The following ITGB6 variants were observed in gnomAD, a reference collection of about 807,000 sequenced individuals.
ITGB6 encodes integrin beta-6.
ITGB6 carries 80 observed loss-of-function variants against 84.5 expected under a neutral mutation model. The ratio of observed to expected loss-of-function variants is 0.95; its 90% CI spans 0.79 to 1.14. ITGB6 has a LOEUF of 1.14. Ranked by LOEUF, ITGB6 falls within the 50% of genes most tolerant of loss-of-function variation. The pLI, the probability that ITGB6 is intolerant of heterozygous loss-of-function variation, is 0.00. For missense variants in ITGB6, 1,006 were observed against 968.0 expected, an observed-to-expected ratio of 1.04 and a Z score of -0.52; for synonymous variants, 383 against 354.9, an observed-to-expected ratio of 1.08 and a Z score of -0.89.
At chr2:160,193,644 G>A (rs1686225243) in intron 4 of ITGB6, among the ~76,000 whole-genome samples, 1 of 152,224 alleles carries the variant, frequency 6.6e-6, no homozygotes, top group Admixed American at 6.5e-5. Flanking sequence ...GAGGGAGTGG[G>A]CAGACAGTGC....
chr2:160,195,565 C>G lies in ITGB6; in HGVS notation c.397G>C (p.Val133Leu). ...VHVRQTEDYPVDLYYLMDLSA... is the reference protein window; with the variant it reads ...VHVRQTEDYPLDLYYLMDLSA... ...AGGTCCATGAGGTAATACAAATCCACCGGGTAGTCCTCAGTCTGGCGGACA... is the reference window on the plus strand; with the variant it reads ...AGGTCCATGAGGTAATACAAATCCAGCGGGTAGTCCTCAGTCTGGCGGACA... Residue 133 changes from valine (V) to leucine (L), a missense_variant, in exon 4 of 15, where the codon GTG becomes CTG. Coordinates refer to ENST00000283249, the MANE Select transcript of ITGB6 (RefSeq NM_000888.5). 4 of 1,614,138 alleles carry G rather than the reference C, an allele frequency of 2.5e-6. No individual in the cohort carries two copies. The highest frequency in any genetic ancestry group is 3.4e-6 in the Non-Finnish European group (4 of 1,180,002).
In ITGB6 at chr2:160,126,650, G is replaced by T. The variant is rs752507327; in HGVS notation, c.1661-49C>A. The T allele has an allele frequency of 4.5e-6, 7 of 1,543,824 alleles. No individual in the cohort carries two copies. In the South Asian group the frequency reaches 7.9e-5, roughly 18 times the overall value. ...TTCTCACAGCCCCAAAACACTTGCA[G>T]ATTTGAGGGGGTGAGGGGCATCTTT... On this transcript the variant is annotated intron_variant, in intron 10 of 14. Coordinates refer to ENST00000283249, the MANE Select transcript of ITGB6 (RefSeq NM_000888.5).
chr2:160,124,540 C>A (rs1352409144), intron 11 of ITGB6, among the ~76,000 whole-genome samples: 1 of 152,190 alleles, frequency 6.6e-6, no homozygotes, highest in Non-Finnish European at 1.5e-5. Context: ...TTAAGGTACT[C>A]TAAAGACATC....
intron 13 of ITGB6, among the ~76,000 whole-genome samples, chr2:160,110,202 T>C (rs998897883): frequency 6.6e-6 from 1 of 152,168 alleles, no homozygotes; most frequent in Non-Finnish European, 1.5e-5. Flanking sequence ...TCCAACTAGC[T>C]CTGGCACGTA....
chr2:160,152,670 A>AGAT (rs1684474753), intron 7 of ITGB6, among the ~76,000 whole-genome samples: 1 of 152,218 alleles, frequency 6.6e-6, no homozygotes, highest in African/African-American at 2.4e-5. Context: ...CCCTGTTTGC[A>AGAT]GATGACATGA....
intron 5 of ITGB6, among the ~76,000 whole-genome samples, 153 bp from the exon 6 acceptor site, chr2:160,172,883 T>C (rs1173397235): frequency 6.6e-6 from 1 of 152,236 alleles, no homozygotes. Context: ...AATATTAATG[T>C]TTTTAATAAA....
chr2:160,139,045 G>A (rs1683886760), intron 8 of ITGB6, among the ~76,000 whole-genome samples: 1 of 152,074 alleles, frequency 6.6e-6, no homozygotes. Flanking sequence ...ATCAATATTG[G>A]AATGTATTTA....
chr2:160,130,181 C>T (rs2105806658), intron 10 of ITGB6, among the ~76,000 whole-genome samples: 1 of 152,008 alleles, frequency 6.6e-6, no homozygotes, highest in South Asian at 2.1e-4. Flanking sequence ...CCACGGTGAG[C>T]ATTTGTGTAT....
chr2:160,134,530 G>A (rs113964007), intron 10 of ITGB6, among the ~76,000 whole-genome samples: 29,000 of 152,010 alleles, frequency 0.19, 3,044 homozygotes, highest in Admixed American at 0.32. Flanking sequence ...ATAGAAAAAG[G>A]GGGAATCCTC....
chr2:160,119,874 G>C (rs1203804405), intron 12 of ITGB6, among the ~76,000 whole-genome samples: 12 of 152,096 alleles, frequency 7.9e-5, no homozygotes, highest in East Asian at 5.8e-4. Flanking sequence ...ACAGACACTT[G>C]TCAAAAGAAG....
At chr2:160,107,334 C>T (rs1436398065) in intron 14 of ITGB6, among the ~76,000 whole-genome samples, 3 of 152,024 alleles carry the variant, frequency 2.0e-5, no homozygotes, top group South Asian at 4.2e-4. Flanking sequence ...AGATATAGCA[C>T]CCGTGCTTTA....
intron 4 of ITGB6, among the ~76,000 whole-genome samples, chr2:160,183,700 C>A (rs1256628131): frequency 1.3e-5 from 2 of 152,166 alleles, no homozygotes; most frequent in African/African-American, 4.8e-5. Context: ...CTTCTCAGCA[C>A]CAAGTCGCAC....
chr2:160,134,486 G>A (rs571278784), intron 10 of ITGB6, among the ~76,000 whole-genome samples: 279 of 152,274 alleles, frequency 1.8e-3, no homozygotes, highest in African/African-American at 6.0e-3. Flanking sequence ...ACAAGGAGGA[G>A]CTGGTACCAT....
rs762861083 is a variant in ITGB6 at position 160,137,648 on chromosome 2, G to T, written c.1446C>A (p.His482Gln). 6 of 1,614,078 alleles carry T rather than the reference G, an allele frequency of 3.7e-6. No individual in the cohort carries two copies. The African/African-American group carries it at 5.3e-5, about 14-fold the overall frequency. Residue 482 changes from histidine to glutamine, a missense_variant, in exon 10 of 15, where the codon CAC (histidine) becomes CAA (glutamine). Physicochemically the swap from His to Gln is conservative, Grantham distance 24. Coordinates refer to ENST00000283249, the MANE Select transcript of ITGB6 (RefSeq NM_000888.5). ...GSFQCGVCAC[H>Q]PGHMGPRCEC... ...CACAGCGAGGCCCCATGTGGCCAGG[G>T]TGGCAGGCACACACCCCACACTGGA...
intron 4 of ITGB6, among the ~76,000 whole-genome samples, chr2:160,180,440 CT>C (rs1349488426): frequency 6.6e-6 from 1 of 152,062 alleles, no homozygotes; most frequent in Admixed American, 6.5e-5. Context: ...AAAAGGGTGG[CT>C]TTTATTTTTA....
At chr2:160,185,277 C>T (rs1313501419) in intron 4 of ITGB6, among the ~76,000 whole-genome samples, 1 of 152,176 alleles carries the variant, frequency 6.6e-6, no homozygotes, top group Middle Eastern at 3.2e-3. Flanking sequence ...GCAACTTCAG[C>T]AAAGTCTCAG....
chr2:160,120,742 A>T (rs1682996420), intron 12 of ITGB6, among the ~76,000 whole-genome samples: 1 of 124,006 alleles, frequency 8.1e-6, no homozygotes, highest in Non-Finnish European at 1.7e-5. Flanking sequence ...TAAAAAATGA[A>T]GAGTTCATGT....
intron 12 of ITGB6, among the ~76,000 whole-genome samples, chr2:160,119,299 T>C (rs970878402): frequency 6.6e-6 from 1 of 152,180 alleles, no homozygotes; most frequent in African/African-American, 2.4e-5. Context: ...AACAGCATGG[T>C]ACTGGTACCA....
intron 12 of ITGB6, among the ~76,000 whole-genome samples, chr2:160,117,476 G>C (rs1299923469): frequency 1.3e-5 from 2 of 152,112 alleles, no homozygotes; most frequent in Admixed American, 6.5e-5. Context: ...CGAGAACAAA[G>C]AAACAACATA....
Sources: allele counts gnomAD v4.1 joint callset (sites outside exome capture counted in the v4.1 genomes callset), GRCh38; gene constraint gnomAD v4.1.1; transcripts MANE v1.5; gene names NCBI Gene and HGNC (gene_info 2026-07-23, HGNC 2026-07-21).